The following MAPK8IP1 variants were observed in gnomAD, a reference collection of about 807,000 sequenced individuals.
MAPK8IP1 encodes the protein mitogen-activated protein kinase 8 interacting protein 1.
MAPK8IP1 carries 17 observed loss-of-function variants against 72.6 expected under a neutral mutation model. That is an observed-to-expected ratio of 0.23 (90% CI 0.16 to 0.35). The LOEUF is 0.35. Among genes scored for constraint, MAPK8IP1 ranks in the 10% least tolerant of loss-of-function variants. The pLI is 1.00. For synonymous variants in MAPK8IP1, 401 were observed against 443.4 expected, an observed-to-expected ratio of 0.90 and a Z score of 1.20; for missense variants, 789 against 1,009.7, an observed-to-expected ratio of 0.78 and a Z score of 2.96.
At chr11:45,901,929 C>T (rs775416465) in intron 3 of MAPK8IP1, 51 bp from the exon 4 acceptor site, 1 of 1,435,652 alleles carries the variant, frequency 7.0e-7, no homozygotes, top group Non-Finnish European at 9.8e-7. Flanking sequence ...CCTCCCTGTG[C>T]CGGGCACTGT....
Position 45,905,775 on chromosome 11 carries a change from C to G in MAPK8IP1, c.*54C>G. ...AGCCCTCAGGCCAGTGCCAGGACAG[C>G]TGGCTGCTGACAGGATGTGGCACTG... is the stretch of plus-strand genomic sequence containing the variant. On this transcript the variant is annotated 3_prime_UTR_variant, in exon 12 of 12. Coordinates refer to ENST00000241014, the MANE Select transcript of MAPK8IP1 (RefSeq NM_005456.4). The G allele has an allele frequency of 1.3e-6, 2 of 1,541,980 alleles. No individual in the cohort carries two copies. Among genetic ancestry groups the G allele is most frequent in the Non-Finnish European group, 1.8e-6 (2 of 1,118,156 alleles).
At chr11:45,905,550 C>A in intron 11 of MAPK8IP1, 99 bp from the exon 12 acceptor site, 1 of 1,088,254 alleles carries the variant, frequency 9.2e-7, no homozygotes, top group Non-Finnish European at 1.4e-6. Flanking sequence ...CAGAGCTGCA[C>A]TTGGGCCCCA....
At position 45,905,093 on chromosome 11, in the gene MAPK8IP1, G is replaced by A. The variant is rs977125974; in HGVS notation, c.1964+52G>A. On this transcript the variant is annotated intron_variant, in intron 10 of 11. Coordinates refer to ENST00000241014, the MANE Select transcript of MAPK8IP1 (RefSeq NM_005456.4). The stretch of plus-strand genomic sequence containing the variant: ...GGAGGCACGGGTGGTCTGCAGCCTT[G>A]AGGTGGGTGGGTGTGGGCCGAGCCC... 6.2e-6 allele frequency: 10 copies of A among 1,612,544 alleles called. No homozygotes were observed. The African/African-American group carries it at 1.1e-4, about 17-fold the overall frequency.
chr11:45,886,009 C>T, intron 1 of MAPK8IP1, 88 bp downstream of exon 1: 1 of 740,258 alleles, frequency 1.4e-6, no homozygotes, highest in South Asian at 2.8e-5. Context: ...CCCAGAACCT[C>T]GGGAACCCGG....
rs371302542 is a variant in MAPK8IP1 at position 45,899,006 on chromosome 11, T to C, written c.207+816T>C. On this transcript the variant is annotated intron_variant, in intron 2 of 11. Transcript: ENST00000241014. ...GCCAGATACGGTGTCAGGAGAGTGG[T>C]TACCATAGGAGCGTGAGGTGTGCCT... is the stretch of plus-strand genomic sequence containing the variant. Among the ~76,000 whole-genome samples, 21 of 152,282 alleles carry C rather than the reference T, an allele frequency of 1.4e-4. No individual in the cohort carries two copies. The East Asian group carries it at 4.0e-3, about 29-fold the overall frequency.
chr11:45,902,078 T>A lies in MAPK8IP1; in HGVS notation c.604+17T>A. The A allele has an allele frequency of 6.2e-7, 1 of 1,604,398 alleles. No individual in the cohort carries two copies. On this transcript the variant is annotated intron_variant, in intron 4 of 11. Coordinates refer to ENST00000241014, the MANE Select transcript of MAPK8IP1 (RefSeq NM_005456.4). The surrounding 1 kb of genome is among the most constrained non-coding windows in gnomAD (Gnocchi z 9.3). ...TGAAGACAGGTAAGTCAGGGCCCTC[T>A]TCCTTACCTGGACCTCCGCCTGCCC...
In MAPK8IP1 at chr11:45,904,628, C is replaced by G; in HGVS notation, c.1776+64C>G. The G allele has an allele frequency of 6.3e-7, 1 of 1,594,464 alleles. No individual in the cohort carries two copies. Among genetic ancestry groups the G allele is most frequent in the South Asian group, 1.1e-5 (1 of 90,720 alleles). ...CCCTGGGGCAGAGGGACGCAGGTGT[C>G]TAGAGGCAGTAAAGGGCTCAGGCCC... On this transcript the variant is annotated intron_variant, in intron 8 of 11. Coordinates refer to ENST00000241014, the MANE Select transcript of MAPK8IP1 (RefSeq NM_005456.4). The surrounding 1 kb of genome is among the most constrained non-coding windows in gnomAD (Gnocchi z 6.4).
chr11:45,896,966 G>A (rs1156972896), intron 1 of MAPK8IP1: 2 of 1,561,908 alleles, frequency 1.3e-6, no homozygotes, highest in Non-Finnish European at 1.7e-6. Flanking sequence ...GGCTACCGGG[G>A]CTGGCGGGGG....
chr11:45,894,402 T>C (rs1198046772), intron 1 of MAPK8IP1, among the ~76,000 whole-genome samples: 1 of 148,358 alleles, frequency 6.7e-6, no homozygotes, highest in Admixed American at 6.6e-5. Flanking sequence ...CCCACCCCAG[T>C]AGAGCCAGGG....
Position 45,902,688 on chromosome 11 carries a change from G to A in MAPK8IP1, c.921G>A (p.Met307Ile), listed in dbSNP as rs774675217. 10 of 1,611,180 alleles carry A rather than the reference G, an allele frequency of 6.2e-6. No individual in the cohort carries two copies. Among genetic ancestry groups the A allele is most frequent in the Non-Finnish European group, 6.8e-6 (8 of 1,179,896 alleles). The change falls in exon 5 of 12, where the codon ATG (methionine) becomes ATA (isoleucine). Residue 307 changes from methionine to isoleucine, a missense_variant. Met to Ile is a conservative substitution (Grantham distance 10). Coordinates refer to ENST00000241014, the MANE Select transcript of MAPK8IP1 (RefSeq NM_005456.4). This position sits in a 1 kb window ranked among gnomAD's most constrained non-coding sequence, Gnocchi z 9.3. ...TCCTGCCGCCCACTGAGAGCCGGATGTCAGTCAGCTCCGATCCAGACCCTG... is the reference window on the plus strand; with the variant it reads ...TCCTGCCGCCCACTGAGAGCCGGATATCAGTCAGCTCCGATCCAGACCCTG... The part of the protein sequence containing the change: ...SAFLPPTESR[M>I]SVSSDPDPAA...
intron 2 of MAPK8IP1, among the ~76,000 whole-genome samples, 169 bp from the exon 3 acceptor site, chr11:45,899,969 C>T (rs555252930): frequency 6.6e-6 from 1 of 152,218 alleles, no homozygotes; most frequent in East Asian, 1.9e-4. Flanking sequence ...CGGCCTCGCG[C>T]TTCCTCGCGG....
chr11:45,896,570 G>A (rs553543469), intron 1 of MAPK8IP1: 9 of 1,258,772 alleles, frequency 7.1e-6, no homozygotes, highest in South Asian at 4.8e-5. Context: ...ACCTGATCCC[G>A]TGAGGGAGGC....
intron 1 of MAPK8IP1, among the ~76,000 whole-genome samples, chr11:45,889,598 G>A (rs1381313250): frequency 1.3e-5 from 2 of 152,150 alleles, no homozygotes; most frequent in Non-Finnish European, 2.9e-5. Flanking sequence ...TGGACAAGAA[G>A]GGAGCGAGCG....
At chr11:45,893,433 G>A (rs1590783280) in intron 1 of MAPK8IP1, among the ~76,000 whole-genome samples, 2 of 152,320 alleles carry the variant, frequency 1.3e-5, no homozygotes, top group African/African-American at 4.8e-5. Flanking sequence ...CAGGGCAAAA[G>A]CAAGGACTGG....
At position 45,900,709 on chromosome 11, in the gene MAPK8IP1, G is replaced by A. The variant is rs2086646255; in HGVS notation, c.522+257G>A. Among the ~76,000 whole-genome samples, 1 of 152,204 alleles carries A rather than the reference G, an allele frequency of 6.6e-6. No homozygotes were observed. The highest frequency in any genetic ancestry group is 1.5e-5 in the Non-Finnish European group (1 of 68,036). On this transcript the variant is annotated intron_variant, in intron 3 of 11. Coordinates refer to ENST00000241014, the MANE Select transcript of MAPK8IP1 (RefSeq NM_005456.4). The surrounding 1 kb of genome is among the most constrained non-coding windows in gnomAD (Gnocchi z 6.5). Reference sequence around the variant, plus strand: ...TGAAGGAGGGAAGGACTGGGGTTAGGAGAGGAGTAGGGAATTAAGAGAATG... The same window carrying A: ...TGAAGGAGGGAAGGACTGGGGTTAGAAGAGGAGTAGGGAATTAAGAGAATG...
intron 1 of MAPK8IP1, among the ~76,000 whole-genome samples, chr11:45,890,978 A>G (rs908582093): frequency 6.6e-6 from 1 of 152,062 alleles, no homozygotes; most frequent in Admixed American, 6.5e-5. Context: ...TCAGCCAACC[A>G]TGTTTCGGTG....
chr11:45,888,646 G>A (rs1346599786), intron 1 of MAPK8IP1, among the ~76,000 whole-genome samples: 1 of 151,948 alleles, frequency 6.6e-6, no homozygotes, highest in Non-Finnish European at 1.5e-5. Context: ...ATAGTGGTTG[G>A]TTACCTTTGG....
chr11:45,896,818 C>A, intron 1 of MAPK8IP1: 1 of 1,545,730 alleles, frequency 6.5e-7, no homozygotes, highest in South Asian at 1.2e-5. Context: ...GCCCCCCCAC[C>A]CTTCCGGGCA....
intron 1 of MAPK8IP1, chr11:45,896,853 CA>C: frequency 6.5e-7 from 1 of 1,548,524 alleles, no homozygotes; most frequent in Non-Finnish European, 8.7e-7. Flanking sequence ...TGGGGCCCCG[CA>C]GCCCCCCGGC....
Sources: allele counts gnomAD v4.1 joint callset (sites outside exome capture counted in the v4.1 genomes callset), GRCh38; gene constraint gnomAD v4.1.1; non-coding constraint Gnocchi (gnomAD v3.1); transcripts MANE v1.5; gene names NCBI Gene and HGNC (gene_info 2026-07-23, HGNC 2026-07-21).